The following EYS variants were observed in gnomAD, a reference collection of about 807,000 sequenced individuals.
EYS encodes the protein EGF-like photoreceptor maintenance factor.
A neutral mutation model predicts 282.1 loss-of-function variants in EYS; 250 were observed. The ratio of observed to expected loss-of-function variants is 0.89; its 90% CI spans 0.80 to 0.98. EYS has a LOEUF of 0.98. Ranked by LOEUF, EYS falls within the 50% of genes least tolerant of loss-of-function variation. The pLI, the probability that EYS is intolerant of heterozygous loss-of-function variation, is 0.00. For synonymous variants in EYS, 1,355 were observed against 1,282.9 expected (o/e 1.06, Z -1.20); for missense variants, 4,016 against 3,709.0 (o/e 1.08, Z -2.15).
chr6:65,306,631 T>C (rs1769012018), intron 11 of EYS, among the ~76,000 whole-genome samples: 1 of 150,778 alleles, frequency 6.6e-6, no homozygotes. Flanking sequence ...GAAATACTTG[T>C]TTGTGTTTTA....
chr6:63,833,501 A>T (rs1168264989), intron 36 of EYS, among the ~76,000 whole-genome samples: 2 of 152,226 alleles, frequency 1.3e-5, no homozygotes, highest in Non-Finnish European at 2.9e-5. Flanking sequence ...CCAACTTACA[A>T]GGGATGTGAA....
At position 64,408,187 on chromosome 6, in the gene EYS, AAAT is replaced by A. The variant is rs571871454; in HGVS notation, c.5928-19350_5928-19348del. On this transcript the variant is annotated intron_variant, in intron 28 of 42. Transcript: ENST00000503581. ...AATAATGAGTTAATAATAAATAAAT[AAAT>A]AATAATAAATAATGAGTAATAAGAA... is the stretch of plus-strand genomic sequence containing the variant. 7.4e-3 allele frequency among the ~76,000 whole-genome samples: 1,128 copies of A among 152,006 alleles called. 9 individuals are homozygous for A. The highest frequency in any genetic ancestry group is 0.026 in the African/African-American group (1,079 of 41,526).
rs576594099 is a variant in EYS at position 63,772,951 on chromosome 6, A to G, written c.7898+5055T>C. 5.9e-5 allele frequency among the ~76,000 whole-genome samples: 9 copies of G among 152,066 alleles called. 2 individuals are homozygous for G. Among genetic ancestry groups the G allele is most frequent in the African/African-American group, 2.2e-4 (9 of 41,474 alleles). The stretch of plus-strand genomic sequence containing the variant: ...TATTTATATCTGTTTATCTATATCT[A>G]TTATCCCCTTTTCTTACATGTTTCT... On this transcript the variant is annotated intron_variant, in intron 40 of 42. Coordinates refer to ENST00000503581, the MANE Select transcript of EYS (RefSeq NM_001142800.2).
intron 12 of EYS, among the ~76,000 whole-genome samples, chr6:65,192,830 A>G (rs1765674454): frequency 6.6e-6 from 1 of 151,742 alleles, no homozygotes; most frequent in Non-Finnish European, 1.5e-5. Flanking sequence ...TACATAAAAT[A>G]TTTTCTCACA....
intron 30 of EYS, among the ~76,000 whole-genome samples, chr6:64,233,250 A>G (rs540022769): frequency 4.3e-4 from 66 of 152,338 alleles, no homozygotes; most frequent in African/African-American, 1.6e-3. Context: ...TTTTTGAAAG[A>G]AACATTAATC....
At chr6:65,351,512 G>A (rs1283992922) in intron 9 of EYS, among the ~76,000 whole-genome samples, 1 of 151,636 alleles carries the variant, frequency 6.6e-6, no homozygotes, top group African/African-American at 2.4e-5. Context: ...TTATCCATGA[G>A]CAATTTGACT....
intron 12 of EYS, among the ~76,000 whole-genome samples, chr6:65,216,043 T>TAA (rs1253864966): frequency 1.6e-5 from 2 of 123,682 alleles, no homozygotes; most frequent in Non-Finnish European, 3.4e-5. Flanking sequence ...ATGTAAGTCT[T>TAA]CACAGTGTTC....
intron 13 of EYS, among the ~76,000 whole-genome samples, chr6:65,030,334 C>T (rs1001181434): frequency 1.3e-5 from 2 of 152,072 alleles, no homozygotes; most frequent in South Asian, 2.1e-4. Flanking sequence ...CAGACCCTCC[C>T]TAACCATCAG....
intron 2 of EYS, among the ~76,000 whole-genome samples, chr6:65,500,725 C>G (rs1028263245): frequency 6.6e-6 from 1 of 151,930 alleles, no homozygotes; most frequent in African/African-American, 2.4e-5. Flanking sequence ...AAATAATAGG[C>G]AGAAATGTAC....
intron 35 of EYS, among the ~76,000 whole-genome samples, chr6:63,878,238 T>G (rs1167258269): frequency 6.6e-6 from 1 of 152,150 alleles, no homozygotes; most frequent in African/African-American, 2.4e-5. Context: ...TTCCTGGAGG[T>G]CCACTCCAGA....
chr6:64,329,274 A>T (rs1228679534), intron 29 of EYS, among the ~76,000 whole-genome samples: 5 of 152,168 alleles, frequency 3.3e-5, no homozygotes. Flanking sequence ...CAAATCTAAA[A>T]TATGTGTCCA....
At chr6:63,733,322 G>A (rs1447447305) in intron 41 of EYS, among the ~76,000 whole-genome samples, 3 of 152,146 alleles carry the variant, frequency 2.0e-5, no homozygotes, top group Non-Finnish European at 4.4e-5. Context: ...GGGTACATGT[G>A]CAAGTTTGTT....
intron 13 of EYS, among the ~76,000 whole-genome samples, chr6:64,998,611 T>C (rs188847632): frequency 4.6e-5 from 7 of 152,298 alleles, no homozygotes; most frequent in Admixed American, 4.6e-4. Context: ...TACACAAGAA[T>C]AGGCAGCTCC....
chr6:65,088,272 G>T (rs1581898353), intron 12 of EYS, among the ~76,000 whole-genome samples: 1 of 152,274 alleles, frequency 6.6e-6, no homozygotes. Flanking sequence ...CTGGGCAATA[G>T]GAAGAGGTTG....
intron 13 of EYS, among the ~76,000 whole-genome samples, chr6:65,030,991 A>G (rs1047718303): frequency 6.6e-6 from 1 of 152,064 alleles, no homozygotes; most frequent in African/African-American, 2.4e-5. Context: ...AAAAGAGCAG[A>G]GGTTGCTATT....
intron 26 of EYS, among the ~76,000 whole-genome samples, chr6:64,517,769 C>T (rs1018143130): frequency 6.6e-6 from 1 of 151,898 alleles, no homozygotes; most frequent in African/African-American, 2.4e-5. Flanking sequence ...CTCTAGCACA[C>T]ATGTTCTTCT....
intron 35 of EYS, among the ~76,000 whole-genome samples, chr6:63,888,381 C>T (rs1322162277): frequency 1.3e-5 from 2 of 152,242 alleles, no homozygotes; most frequent in East Asian, 1.9e-4. Context: ...ACACCTCATA[C>T]AGGAGAGCTC....
chr6:65,072,886 A>T lies in EYS; in HGVS notation c.2024-15159T>A, dbSNP rs147467456. ...AGAGAAATAGGCAAATATTGAAACT[A>T]TGCAAAGAAGATTCAATATTTGAAT... On this transcript the variant is annotated intron_variant, in intron 12 of 42. Coordinates refer to ENST00000503581, the MANE Select transcript of EYS (RefSeq NM_001142800.2). Among the ~76,000 whole-genome samples the T allele has an allele frequency of 6.4e-3, 965 of 151,786 alleles. 10 individuals are homozygous for T. Among genetic ancestry groups the T allele is most frequent in the African/African-American group, 0.022 (922 of 41,534 alleles).
rs1281137302 is a variant in EYS at position 65,486,191 on chromosome 6, CTG to C, written c.862+4401_862+4402del. On this transcript the variant is annotated intron_variant, in intron 5 of 42. Transcript: ENST00000503581. ...GATATTCACACAACTAAAATAAAAA[CTG>C]TAGTTGCAAAATTCACAAATAATTT... 8.5e-5 allele frequency among the ~76,000 whole-genome samples: 13 copies of C among 152,118 alleles called. No homozygotes were observed. In the East Asian group the frequency reaches 2.5e-3, roughly 29 times the overall value.
Sources: allele counts gnomAD v4.1 joint callset (sites outside exome capture counted in the v4.1 genomes callset), GRCh38; gene constraint gnomAD v4.1.1; transcripts MANE v1.5; gene names NCBI Gene and HGNC (gene_info 2026-07-23, HGNC 2026-07-21).